TTI1: variants seen among roughly 807,000 people sequenced by gnomAD.
The protein encoded by TTI1 is TELO2-interacting protein 1 homolog.
Under a neutral mutation model 85.4 loss-of-function variants are expected in TTI1, and 52 were observed. The ratio of observed to expected loss-of-function variants is 0.61; its 90% CI spans 0.49 to 0.77. TTI1 has a LOEUF of 0.77. Among genes scored for constraint, TTI1 ranks in the 30% least tolerant of loss-of-function variants. The pLI is 0.00. For synonymous variants in TTI1, 512 were observed against 503.9 expected (o/e 1.02, Z -0.22); for missense variants, 1,173 against 1,296.0 (o/e 0.91, Z 1.46).
chr20:38,019,526 T>C (rs529506154), intron 1 of TTI1, among the ~76,000 whole-genome samples: 1 of 152,056 alleles, frequency 6.6e-6, no homozygotes, highest in African/African-American at 2.4e-5. Context: ...ATCTGTAGAG[T>C]AAGCTCTAAG....
intron 1 of TTI1, among the ~76,000 whole-genome samples, chr20:38,029,239 T>C (rs764190669): frequency 6.6e-6 from 1 of 150,902 alleles, no homozygotes; most frequent in Non-Finnish European, 1.5e-5. Flanking sequence ...TAAGGGAAAT[T>C]AGAAAAAAAA....
At chr20:38,010,652 T>C (rs6022355) in intron 2 of TTI1, among the ~76,000 whole-genome samples, 1 of 150,884 alleles carries the variant, frequency 6.6e-6, no homozygotes, top group East Asian at 1.9e-4. Flanking sequence ...TTTTTTTTTA[T>C]TTTTTAGTAG....
Position 38,013,381 on chromosome 20 carries a change from A to C in TTI1, c.436T>G (p.Ser146Ala), listed in dbSNP as rs151157325. Reference sequence around the variant, plus strand: ...GCAAATCCTAAACGTGGCAGAATGGAGGGCTCATAAAAAGTCAGAATGATG... The same window carrying C: ...GCAAATCCTAAACGTGGCAGAATGGCGGGCTCATAAAAAGTCAGAATGATG... ...GDIILTFYEP[S>A]ILPRLGFAVS... Residue 146 changes from serine to alanine, a missense_variant, in exon 2 of 8, where the codon TCC (serine) becomes GCC (alanine). Physicochemically the swap from Ser to Ala is moderately conservative, Grantham distance 99 (BLOSUM62 1). Transcript: ENST00000373447. 6.2e-7 allele frequency: 1 copy of C among 1,613,974 alleles called. No homozygotes were observed. Among genetic ancestry groups the C allele is most frequent in the Non-Finnish European group, 8.5e-7 (1 of 1,180,042 alleles).
chr20:38,027,550 G>A (rs1324098224), intron 1 of TTI1, among the ~76,000 whole-genome samples: 1 of 152,090 alleles, frequency 6.6e-6, no homozygotes, highest in Non-Finnish European at 1.5e-5. Flanking sequence ...ATAAACAGTT[G>A]TTTAACATAA....
In TTI1 at chr20:38,011,863, C is replaced by T; in HGVS notation, c.1954G>A (p.Ala652Thr). Reference protein sequence around the residue: ...GKDFCLLLMSALYPVLEKAGD... With the variant: ...GKDFCLLLMSTLYPVLEKAGD... The stretch of plus-strand genomic sequence containing the variant: ...GCCTTCTCCAGTACTGGATAAAGGG[C>T]TGACATCAAGAGCAAACAGAAGTCT... The change falls in exon 2 of 8, where the codon GCC (alanine) becomes ACC (threonine). Residue 652 changes from alanine (A) to threonine (T), a missense_variant. Ala to Thr is a moderately conservative substitution (Grantham distance 58). Transcript: ENST00000373447. 1 of 1,614,236 alleles carries T rather than the reference C, an allele frequency of 6.2e-7. No individual in the cohort carries two copies. The highest frequency in any genetic ancestry group is 8.5e-7 in the Non-Finnish European group (1 of 1,180,044).
At chr20:38,003,434 C>T (rs1040496802) in intron 3 of TTI1, among the ~76,000 whole-genome samples, 5 of 152,138 alleles carry the variant, frequency 3.3e-5, no homozygotes, top group African/African-American at 1.2e-4. Flanking sequence ...TAACAGATGA[C>T]TTCAGTTTTT....
Position 37,983,467 on chromosome 20 carries a change from C to T in TTI1, c.3259G>A (p.Glu1087Lys), listed in dbSNP as rs1469259916. The part of the protein sequence containing the change: ...YTTNVLQLLK[E>K]LQ ...GTGGGGGAGCAGGGTCACTGCAGCT[C>T]CTTGAGCAGCTGGAGCACGTTGGTC... Residue 1087 changes from glutamate to lysine, a missense_variant, in exon 8 of 8, where the codon GAG becomes AAG. Transcript: ENST00000373447. The T allele has an allele frequency of 1.2e-6, 2 of 1,610,498 alleles. No individual in the cohort carries two copies. Among genetic ancestry groups the T allele is most frequent in the South Asian group, 2.2e-5 (2 of 90,976 alleles).
At chr20:37,992,722 T>C (rs1020824539) in intron 7 of TTI1, among the ~76,000 whole-genome samples, 1 of 152,140 alleles carries the variant, frequency 6.6e-6, no homozygotes, top group Non-Finnish European at 1.5e-5. Context: ...CCAAGGAGTA[T>C]GGTTTTAATG....
intron 7 of TTI1, among the ~76,000 whole-genome samples, chr20:37,989,225 C>T (rs2073230502): frequency 6.6e-6 from 1 of 152,196 alleles, no homozygotes; most frequent in Non-Finnish European, 1.5e-5. Flanking sequence ...TTTGACTTAA[C>T]TATGTTTACC....
chr20:38,020,323 A>AAAAAAAAAATATATATATATATATATAT, intron 1 of TTI1, among the ~76,000 whole-genome samples: 2 of 50,382 alleles, frequency 4.0e-5, no homozygotes, highest in African/African-American at 8.9e-5. Context: ...AAAAAAAAAA[A>AAAAAAAAAATATATATATATATATATAT]ATATATATAT....
At chr20:38,020,323 A>AAAAAAAAAAATATATATATATATAT in intron 1 of TTI1, among the ~76,000 whole-genome samples, 1 of 50,382 alleles carries the variant, frequency 2.0e-5, no homozygotes, top group African/African-American at 8.9e-5. Flanking sequence ...AAAAAAAAAA[A>AAAAAAAAAAATATATATATATATAT]ATATATATAT....
In TTI1 at chr20:38,011,957, C is replaced by T; in HGVS notation, c.1860G>A (p.Met620Ile). The change falls in exon 2 of 8, where the codon ATG (methionine) becomes ATA (isoleucine). Residue 620 changes from methionine (M) to isoleucine (I), a missense_variant. Coordinates refer to ENST00000373447, the MANE Select transcript of TTI1 (RefSeq NM_001303457.2). ...TGCATATTTGCCAGATGTTACTGTT[C>T]ATGGAGCAAATAGTGGGACTTGGCT... ...FSKPSPTICSMNSNIWQICIQ... is the reference protein window; with the variant it reads ...FSKPSPTICSINSNIWQICIQ... 1.2e-6 allele frequency: 2 copies of T among 1,614,200 alleles called. No homozygotes were observed. The highest frequency in any genetic ancestry group is 1.7e-6 in the Non-Finnish European group (2 of 1,180,036).
chr20:37,988,376 C>T (rs1182527345), intron 7 of TTI1, among the ~76,000 whole-genome samples: 1 of 152,246 alleles, frequency 6.6e-6, no homozygotes, highest in Non-Finnish European at 1.5e-5. Context: ...AAAGAACCCC[C>T]TCTGCTCTGC....
chr20:38,019,221 GGC>G (rs1213807728), intron 1 of TTI1: 1 of 151,212 alleles, frequency 6.6e-6, no homozygotes, highest in African/African-American at 2.4e-5. Flanking sequence ...TTGCTATCAG[GGC>G]AACACTAAAA....
chr20:37,994,454 C>A (rs568147965), intron 7 of TTI1, among the ~76,000 whole-genome samples: 204 of 152,106 alleles, frequency 1.3e-3, no homozygotes, highest in Non-Finnish European at 2.2e-3. Flanking sequence ...ATGACTTTTC[C>A]ATACTAAGTG....
intron 1 of TTI1, among the ~76,000 whole-genome samples, chr20:38,022,430 A>G (rs2073782712): frequency 6.6e-6 from 1 of 152,330 alleles, no homozygotes; most frequent in Admixed American, 6.5e-5. Flanking sequence ...TCACTAGAAT[A>G]CTAGAATCAG....
chr20:38,013,263 C>T lies in TTI1; in HGVS notation c.554G>A (p.Cys185Tyr), dbSNP rs764940163. 6.2e-7 allele frequency: 1 copy of T among 1,614,080 alleles called. No individual in the cohort carries two copies. The highest frequency in any genetic ancestry group is 8.5e-7 in the Non-Finnish European group (1 of 1,180,042). The change falls in exon 2 of 8, where the codon TGT becomes TAT. Residue 185 changes from cysteine to tyrosine, a missense_variant. Transcript: ENST00000373447. ...LKCLQVLLLQ[C>Y]DCQDHPRSLD... ...TGACCTTGGATGGTCCTGACAATCA[C>T]ACTGCAAGAGTAGAACCTGTAAACA...
chr20:38,009,488 C>G (rs937388245), intron 2 of TTI1, among the ~76,000 whole-genome samples: 2 of 152,032 alleles, frequency 1.3e-5, no homozygotes, highest in Non-Finnish European at 2.9e-5. Flanking sequence ...CCTTCTGGGC[C>G]TTCCCACCTG....
In TTI1 at chr20:38,013,804, CA is replaced by C; in HGVS notation, c.12del (p.Phe4LeufsTer37). 1 of 1,610,490 alleles carries C rather than the reference CA, an allele frequency of 6.2e-7. No individual in the cohort carries two copies. On this transcript the variant is annotated frameshift_variant, in exon 2 of 8. Coordinates refer to ENST00000373447, the MANE Select transcript of TTI1 (RefSeq NM_001303457.2). LOFTEE classifies it high-confidence loss of function. ...ACACCAAAGGCCTCCTCAGGAGTAT[CA>C]AAAACTGCCATTGTGCAGCAGCCTT... is the stretch of plus-strand genomic sequence containing the variant. Reference protein sequence around the residue: MAVFDTPEEAFGVL... With the variant: MAVXDTPEEAFGVL...
Sources: gnomAD v4.1 joint callset for allele counts (sites outside exome capture counted in the v4.1 genomes callset) on GRCh38, gnomAD v4.1.1 for gene constraint, MANE v1.5 for transcripts, NCBI Gene and HGNC (gene_info 2026-07-23, HGNC 2026-07-21) for gene names.